FGD6: variants seen among roughly 807,000 people sequenced by gnomAD.
FGD6 encodes FYVE, RhoGEF and PH domain-containing protein 6.
FGD6 carries 90 observed loss-of-function variants against 149.4 expected under a neutral mutation model. The ratio of observed to expected loss-of-function variants is 0.60; its 90% CI spans 0.51 to 0.72. The LOEUF (loss-of-function observed/expected upper bound fraction) is 0.72. FGD6 is among the 30% of genes least tolerant of loss of function. FGD6 has a pLI of 0.00. For missense variants in FGD6, 1,437 were observed against 1,684.8 expected (o/e 0.85, Z 2.57); for synonymous variants, 527 against 584.0 (o/e 0.90, Z 1.41).
intron 3 of FGD6, among the ~76,000 whole-genome samples, chr12:95,155,353 C>A (rs1376536621): frequency 6.6e-6 from 1 of 152,096 alleles, no homozygotes; most frequent in Non-Finnish European, 1.5e-5. Flanking sequence ...AAGGGGAAAC[C>A]CCATCTCTAC....
chr12:95,149,446 A>G (rs183429548), intron 5 of FGD6, among the ~76,000 whole-genome samples: 26 of 130,588 alleles, frequency 2.0e-4, no homozygotes, highest in African/African-American at 7.1e-4. Context: ...TATTATATAT[A>G]ATACATAGTA....
intron 2 of FGD6, among the ~76,000 whole-genome samples, chr12:95,198,045 T>C (rs1053542619): frequency 6.6e-6 from 1 of 152,222 alleles, no homozygotes; most frequent in Non-Finnish European, 1.5e-5. Flanking sequence ...GTCTCTGTGT[T>C]TTCCCTCTAA....
At chr12:95,156,521 A>G (rs1880476507) in intron 3 of FGD6, among the ~76,000 whole-genome samples, 1 of 152,156 alleles carries the variant, frequency 6.6e-6, no homozygotes, top group African/African-American at 2.4e-5. Context: ...GATGTTATCA[A>G]TGACAATGTG....
chr12:95,128,679 G>A (rs565623780), intron 8 of FGD6, among the ~76,000 whole-genome samples: 3 of 152,288 alleles, frequency 2.0e-5, no homozygotes, highest in African/African-American at 7.2e-5. Flanking sequence ...GCTCAGTGGG[G>A]GCCTAAGTGA....
chr12:95,123,565 A>ATTTT (rs34064127), intron 8 of FGD6, among the ~76,000 whole-genome samples: 1 of 144,858 alleles, frequency 6.9e-6, no homozygotes, highest in East Asian at 2.0e-4. Flanking sequence ...GTCAATATAC[A>ATTTT]TTTTTTTTTT....
At chr12:95,137,013 C>T (rs1311124717) in intron 7 of FGD6, among the ~76,000 whole-genome samples, 2 of 152,216 alleles carry the variant, frequency 1.3e-5, no homozygotes, top group Non-Finnish European at 2.9e-5. Context: ...CACAGTGGCT[C>T]ACGCCTGTAA....
At chr12:95,165,336 CTTT>C (rs764144447) in intron 3 of FGD6, among the ~76,000 whole-genome samples, 3 of 141,816 alleles carry the variant, frequency 2.1e-5, no homozygotes, top group Admixed American at 7.1e-5. Context: ...TTCTTTTTTT[CTTT>C]TTTTTTTTTT....
intron 2 of FGD6, among the ~76,000 whole-genome samples, chr12:95,199,046 G>A (rs1055092693): frequency 1.3e-5 from 2 of 152,146 alleles, no homozygotes; most frequent in African/African-American, 4.8e-5. Flanking sequence ...TGTTACAAAA[G>A]GAGAAAAAAG....
rs2056708047 is a variant in FGD6, at chr12:95,209,100, G to A, written c.2184C>T (p.Ser728=). 1 of 1,614,072 alleles carries A rather than the reference G, an allele frequency of 6.2e-7. No homozygotes were observed. Among genetic ancestry groups the A allele is most frequent in the Non-Finnish European group, 8.5e-7 (1 of 1,180,008 alleles). Residue 728 remains serine (S), a synonymous_variant, in exon 2 of 21, where the codon TCC becomes TCT. Coordinates refer to ENST00000343958, the MANE Select transcript of FGD6 (RefSeq NM_018351.4). ...AAGGTGCCTGAGATGATGACTCCCGGGAGAGCATTTGGTCATCCAAAGACT... is the reference window on the plus strand; with the variant it reads ...AAGGTGCCTGAGATGATGACTCCCGAGAGAGCATTTGGTCATCCAAAGACT... ...RAESLDDQML[S]RESSSQAPYK... is the part of the protein sequence containing the mutation.
chr12:95,162,341 G>A (rs997897104), intron 3 of FGD6, among the ~76,000 whole-genome samples: 1 of 152,094 alleles, frequency 6.6e-6, no homozygotes, highest in African/African-American at 2.4e-5. Flanking sequence ...TGGCCAACAT[G>A]GTGTAACCCT....
chr12:95,161,444 C>G (rs574134733), intron 3 of FGD6, among the ~76,000 whole-genome samples: 1 of 151,678 alleles, frequency 6.6e-6, no homozygotes, highest in Admixed American at 6.6e-5. Context: ...TGCAGTGAGC[C>G]GAGATCACAC....
chr12:95,085,543 C>T, intron 19 of FGD6: 1 of 510,286 alleles, frequency 2.0e-6, no homozygotes, highest in Admixed American at 3.7e-5. Flanking sequence ...AGTCACACGA[C>T]ACACACAAAA....
At chr12:95,194,609 G>A (rs1211712668) in intron 2 of FGD6, among the ~76,000 whole-genome samples, 1 of 147,626 alleles carries the variant, frequency 6.8e-6, no homozygotes, top group Non-Finnish European at 1.5e-5. Context: ...GAAGAGGTGG[G>A]AGGGGGGTGG....
intron 3 of FGD6, among the ~76,000 whole-genome samples, chr12:95,158,270 C>A (rs1360631517): frequency 6.7e-6 from 1 of 149,320 alleles, no homozygotes; most frequent in East Asian, 2.0e-4. Flanking sequence ...TGGGTTCAAG[C>A]GATTCTCCTG....
In FGD6 at chr12:95,094,578, G is replaced by A. The variant is rs766685211; in HGVS notation, c.3600+14C>T. 407 of 1,499,592 alleles carry A rather than the reference G, an allele frequency of 2.7e-4. 1 individual carries two copies. Among genetic ancestry groups the A allele is most frequent in the African/African-American group, 2.5e-3 (176 of 69,812 alleles). 92.9% of individuals were successfully genotyped at this position (1,499,592 alleles called of 1,614,324 possible). ...AAATGCACTGGAAAAAAAAAAAAAA[G>A]GAGAAAACAATACCTCATCAAGACT... On this transcript the variant is annotated intron_variant, in intron 15 of 20. Coordinates refer to ENST00000343958, the MANE Select transcript of FGD6 (RefSeq NM_018351.4).
chr12:95,216,206 T>G (rs1050012575), intron 1 of FGD6, among the ~76,000 whole-genome samples: 2 of 152,192 alleles, frequency 1.3e-5, no homozygotes, highest in African/African-American at 2.4e-5. Flanking sequence ...AATCAGAACA[T>G]TTGAGTGCTG....
At chr12:95,083,040 TACACACACAC>T (rs60971253) in intron 20 of FGD6, among the ~76,000 whole-genome samples, 17 of 74,750 alleles carry the variant, frequency 2.3e-4, no homozygotes, top group African/African-American at 8.2e-4. Context: ...TACACACACA[TACACACACAC>T]ACACACACAC....
At chr12:95,151,910 G>C (rs190243833) in intron 5 of FGD6, among the ~76,000 whole-genome samples, 1 of 152,058 alleles carries the variant, frequency 6.6e-6, no homozygotes, top group Non-Finnish European at 1.5e-5. Context: ...AACCCTAAAA[G>C]CACTTTAACT....
intron 8 of FGD6, chr12:95,126,189 C>A: frequency 8.8e-7 from 1 of 1,136,846 alleles, no homozygotes; most frequent in South Asian, 1.3e-5. Context: ...CAAAAAAGCA[C>A]CTGTTGCTAA....
Sources: gnomAD v4.1 joint callset for allele counts (sites outside exome capture counted in the v4.1 genomes callset) on GRCh38, gnomAD v4.1.1 for gene constraint, MANE v1.5 for transcripts, NCBI Gene and HGNC (gene_info 2026-07-23, HGNC 2026-07-21) for gene names.